Variants in NEMP2 observed in about 807,000 individuals in gnomAD.
The protein encoded by NEMP2 is UPF0571 transmembrane protein.
A neutral mutation model predicts 54.2 loss-of-function variants in NEMP2; 53 were observed. The ratio of observed to expected loss-of-function variants is 0.98; its 90% CI spans 0.78 to 1.23. The LOEUF (loss-of-function observed/expected upper bound fraction) is 1.23. NEMP2 is among the 50% of genes most tolerant of loss of function. NEMP2 has a pLI of 0.00. For synonymous variants in NEMP2, 197 were observed against 190.3 expected, an observed-to-expected ratio of 1.04 and a Z score of -0.29; for missense variants, 455 against 511.3, an observed-to-expected ratio of 0.89 and a Z score of 1.06.
At chr2:190,618,561 G>T in the NEMP2 span, among the ~76,000 whole-genome samples, 1 of 152,112 alleles carries the variant, frequency 6.6e-6, no homozygotes, top group Non-Finnish European at 1.5e-5. Context: ...GGACAAAGGA[G>T]ATAATTCCCC....
chr2:190,435,148 A>T, the NEMP2 span, among the ~76,000 whole-genome samples: 1 of 152,212 alleles, frequency 6.6e-6, no homozygotes, highest in Admixed American at 6.5e-5. Flanking sequence ...CATCGTAGAG[A>T]GCATGTGTCC....
the NEMP2 span, among the ~76,000 whole-genome samples, chr2:190,640,557 G>A: frequency 6.6e-6 from 1 of 152,142 alleles, no homozygotes; most frequent in African/African-American, 2.4e-5. Context: ...GCTGAGTCAT[G>A]ATGTATAAGT....
chr2:190,636,724 G>A, the NEMP2 span, among the ~76,000 whole-genome samples: 1 of 152,146 alleles, frequency 6.6e-6, no homozygotes, highest in African/African-American at 2.4e-5. Context: ...TCATATTTAA[G>A]AAAACTCCAA....
chr2:190,424,936 A>G, the NEMP2 span, among the ~76,000 whole-genome samples: 13 of 152,208 alleles, frequency 8.5e-5, no homozygotes, highest in African/African-American at 3.1e-4. The surrounding 1 kb of genome is among the most constrained non-coding windows in gnomAD (Gnocchi z 5.9). Context: ...TGTTGCTGAG[A>G]TTTTGATAGG....
At chr2:190,526,931 G>A (rs1690960675) in intron 1 of NEMP2, among the ~76,000 whole-genome samples, 1 of 152,114 alleles carries the variant, frequency 6.6e-6, no homozygotes. Context: ...AACCCTCTGT[G>A]TTACAGAGGG....
intron 7 of NEMP2, among the ~76,000 whole-genome samples, chr2:190,511,498 A>C (rs1479776379): frequency 3.3e-5 from 5 of 151,946 alleles, no homozygotes; most frequent in African/African-American, 9.7e-5. Context: ...TAAAAATAGT[A>C]ACAATAATAA....
the NEMP2 span, among the ~76,000 whole-genome samples, chr2:190,426,454 C>T: frequency 6.6e-6 from 1 of 152,104 alleles, no homozygotes; most frequent in African/African-American, 2.4e-5. This position sits in a 1 kb window ranked among gnomAD's most constrained non-coding sequence, Gnocchi z 4.7. Flanking sequence ...TTTATAATTG[C>T]CTATCTAAGC....
the NEMP2 span, chr2:190,436,515 G>T: frequency 4.3e-6 from 7 of 1,614,192 alleles, no homozygotes; most frequent in Non-Finnish European, 5.9e-6. The surrounding 1 kb of genome is among the most constrained non-coding windows in gnomAD (Gnocchi z 5.3). Context: ...GTGTACCAAA[G>T]ATTCGCCCAA....
At chr2:190,435,965 TTTAC>T in the NEMP2 span, 6 of 1,515,972 alleles carry the variant, frequency 4.0e-6, 1 homozygote, top group South Asian at 8.1e-5. Flanking sequence ...TCTTTTAAAT[TTTAC>T]TTTACAGATC....
At position 190,509,125 on chromosome 2, in the gene NEMP2, T is replaced by G; in HGVS notation, c.*64A>C. 6.5e-7 allele frequency: 1 copy of G among 1,540,096 alleles called. No homozygotes were observed. Among genetic ancestry groups the G allele is most frequent in the South Asian group, 1.2e-5 (1 of 82,972 alleles). ...TCACTAGAACAGTTCTGCCTAACTT[T>G]AATAGAATCCCTGCCCTTTGCCCAC... On this transcript the variant is annotated 3_prime_UTR_variant, in exon 9 of 9. Coordinates refer to ENST00000409150, the MANE Select transcript of NEMP2 (RefSeq NM_001142645.2). This position sits in a 1 kb window ranked among gnomAD's most constrained non-coding sequence, Gnocchi z 6.1.
In NEMP2 at chr2:190,530,771, G is replaced by A. The variant is rs1224793210; in HGVS notation, c.97+3788C>T. Among the ~76,000 whole-genome samples, 2 of 152,214 alleles carry A rather than the reference G, an allele frequency of 1.3e-5. No homozygotes were observed. The highest frequency in any genetic ancestry group is 4.8e-5 in the African/African-American group (2 of 41,452). On this transcript the variant is annotated intron_variant, in intron 1 of 8. Transcript: ENST00000409150. This position sits in a 1 kb window ranked among gnomAD's most constrained non-coding sequence, Gnocchi z 4.6. ...CTGAAGGCTATGAAGCTGCCTGCAT[G>A]TCTGCGGGTTTCATTTATTCATGAG...
the NEMP2 span, among the ~76,000 whole-genome samples, chr2:190,568,926 T>C: frequency 1.4e-4 from 21 of 152,008 alleles, no homozygotes; most frequent in South Asian, 3.9e-3. The surrounding 1 kb of genome is among the most constrained non-coding windows in gnomAD (Gnocchi z 4.7). Flanking sequence ...AGAGACTAAA[T>C]CCGTATCTCC....
At chr2:190,626,896 C>T in the NEMP2 span, 1 of 152,130 alleles carries the variant, frequency 6.6e-6, no homozygotes, top group Admixed American at 6.5e-5. This position sits in a 1 kb window ranked among gnomAD's most constrained non-coding sequence, Gnocchi z 4.5. Context: ...ATTAACACTT[C>T]CTGAAAAGAA....
chr2:190,630,706 T>C, the NEMP2 span, among the ~76,000 whole-genome samples: 1 of 152,200 alleles, frequency 6.6e-6, no homozygotes, highest in African/African-American at 2.4e-5. This position sits in a 1 kb window ranked among gnomAD's most constrained non-coding sequence, Gnocchi z 5.5. Flanking sequence ...ATGGCTATTA[T>C]CACTTATAAA....
the NEMP2 span, chr2:190,463,922 G>A: frequency 2.0e-6 from 2 of 981,970 alleles, no homozygotes; most frequent in Non-Finnish European, 2.4e-6. The surrounding 1 kb of genome is among the most constrained non-coding windows in gnomAD (Gnocchi z 4.4). Context: ...ACGTAATCCA[G>A]TTTATATATG....
the NEMP2 span, chr2:190,624,440 T>C: frequency 6.6e-6 from 1 of 152,206 alleles, no homozygotes; most frequent in Non-Finnish European, 1.5e-5. Context: ...ATCCTACTGC[T>C]AAAGACTTAA....
chr2:190,469,643 G>A, the NEMP2 span: 1 of 513,670 alleles, frequency 1.9e-6, no homozygotes, highest in Non-Finnish European at 3.0e-6. The surrounding 1 kb of genome is among the most constrained non-coding windows in gnomAD (Gnocchi z 5.3). Context: ...GTTTGGGGAA[G>A]GAAAAGGTAG....
Position 190,518,951 on chromosome 2 carries a change from C to T in NEMP2, c.445+1G>A. Reference sequence around the variant, plus strand: ...GTCAAGTATAATAAAATCGGACTTACTGTTTCGATTCACATGTATCATATA... The same window carrying T: ...GTCAAGTATAATAAAATCGGACTTATTGTTTCGATTCACATGTATCATATA... On this transcript the variant is annotated splice_donor_variant, in intron 3 of 8. Transcript: ENST00000409150. LOFTEE classifies it high-confidence loss of function. 6.5e-7 allele frequency: 1 copy of T among 1,545,992 alleles called. No individual in the cohort carries two copies. The highest frequency in any genetic ancestry group is 8.8e-7 in the Non-Finnish European group (1 of 1,142,814).
the NEMP2 span, chr2:190,442,969 A>T: frequency 6.6e-6 from 1 of 152,190 alleles, no homozygotes; most frequent in Admixed American, 6.5e-5. Flanking sequence ...CAAGTTTCTG[A>T]TTTATTGAAA....
Sources: gnomAD v4.1 joint callset for allele counts (sites outside exome capture counted in the v4.1 genomes callset) on GRCh38, gnomAD v4.1.1 for gene constraint, Gnocchi (gnomAD v3.1) non-coding constraint, MANE v1.5 for transcripts, NCBI Gene and HGNC (gene_info 2026-07-23, HGNC 2026-07-21) for gene names.